Variants in GLT8D2 observed in about 807,000 individuals in gnomAD.
GLT8D2 encodes glycosyltransferase 8 domain containing 2.
GLT8D2 carries 45 observed loss-of-function variants against 44.5 expected under a neutral mutation model. That is an observed-to-expected ratio of 1.01 (90% CI 0.80 to 1.30). GLT8D2 has a LOEUF of 1.30. GLT8D2 is among the 50% of genes most tolerant of loss of function. The pLI, the probability that GLT8D2 is intolerant of heterozygous loss-of-function variation, is 0.00. For synonymous variants in GLT8D2, 156 were observed against 157.2 expected, an observed-to-expected ratio of 0.99 and a Z score of 0.06; for missense variants, 400 against 430.4, an observed-to-expected ratio of 0.93 and a Z score of 0.62.
At chr12:104,016,983 A>G (rs1472480426) in intron 3 of GLT8D2, among the ~76,000 whole-genome samples, 1 of 152,206 alleles carries the variant, frequency 6.6e-6, no homozygotes, top group Non-Finnish European at 1.5e-5. Flanking sequence ...TGTTTGTTCC[A>G]GTGATGTTGG....
chr12:104,016,691 G>GAAAA (rs146701886), intron 3 of GLT8D2, among the ~76,000 whole-genome samples: 1 of 122,730 alleles, frequency 8.1e-6, no homozygotes, highest in Non-Finnish European at 1.7e-5. Context: ...AGAAAAGAAA[G>GAAAA]AAAGAAAGAA....
At chr12:104,054,307 C>A (rs1279031349), upstream of GLT8D2, among the ~76,000 whole-genome samples, 1 of 152,020 alleles carries the variant, frequency 6.6e-6, no homozygotes, top group Non-Finnish European at 1.5e-5. Context: ...TAGCATAATG[C>A]CCTCAAGTTT....
Position 103,999,385 on chromosome 12 carries a change from G to T in GLT8D2, c.402+12C>A, listed in dbSNP as rs757389870. 17 of 1,474,042 alleles carry T rather than the reference G, an allele frequency of 1.2e-5. No individual in the cohort carries two copies. Among genetic ancestry groups the T allele is most frequent in the Non-Finnish European group, 1.6e-5 (17 of 1,052,280 alleles). 91.3% of individuals were successfully genotyped at this position (1,474,042 alleles called of 1,614,324 possible). A position where few individuals can be genotyped will look rare whatever the true frequency, so the allele number is the denominator to read the frequency against. On this transcript the variant is annotated intron_variant, in intron 6 of 10. Transcript: ENST00000360814. ...AAGGACTGTCCCCAGCACCTGTGTGGTCCCTACTTACAGGCTGGAGCAATT... is the reference window on the plus strand; with the variant it reads ...AAGGACTGTCCCCAGCACCTGTGTGTTCCCTACTTACAGGCTGGAGCAATT...
chr12:103,997,967 C>G (rs1873690961), intron 6 of GLT8D2, among the ~76,000 whole-genome samples: 1 of 148,786 alleles, frequency 6.7e-6, no homozygotes, highest in African/African-American at 2.5e-5. Flanking sequence ...GTGTGTCATT[C>G]CAACAGCAAG....
chr12:104,016,686 A>G (rs1389721591), intron 3 of GLT8D2, among the ~76,000 whole-genome samples: 3 of 57,252 alleles, frequency 5.2e-5, no homozygotes, highest in Non-Finnish European at 1.0e-4. Context: ...GAGAAAGAAA[A>G]GAAAGAAAGA....
At chr12:104,064,369 G>T (rs1021890214), upstream of GLT8D2, 14 of 475,876 alleles carry the variant, frequency 2.9e-5, no homozygotes, top group Non-Finnish European at 4.9e-5. The surrounding 1 kb of genome is among the most constrained non-coding windows in gnomAD (Gnocchi z 7.3). Flanking sequence ...CGCCTGGGGT[G>T]GGGGCGGGGC....
At chr12:103,990,028 A>G (rs2136252414) in intron 10 of GLT8D2, among the ~76,000 whole-genome samples, 1 of 149,984 alleles carries the variant, frequency 6.7e-6, no homozygotes, top group South Asian at 2.1e-4. Flanking sequence ...TATTATTAGC[A>G]TAAACACAGC....
Position 104,015,062 on chromosome 12 carries a change from C to T in GLT8D2, c.63G>A (p.Val21=). ...CCTTATGAACTTTCTTATACAGAAT[C>T]ACACAGAGGGTCACGATCAGAAGGA... is the stretch of plus-strand genomic sequence containing the variant. The part of the protein sequence containing the change: ...LLFLLIVTLC[V]ILYKKVHKGT... The change falls in exon 4 of 11, where the codon GTG becomes GTA. Residue 21 remains valine (V), a synonymous_variant. Coordinates refer to ENST00000360814, the MANE Select transcript of GLT8D2 (RefSeq NM_001384711.1). 6.2e-7 allele frequency: 1 copy of T among 1,613,912 alleles called. No homozygotes were observed. The highest frequency in any genetic ancestry group is 8.5e-7 in the Non-Finnish European group (1 of 1,179,852).
intron 4 of GLT8D2, among the ~76,000 whole-genome samples, chr12:104,010,332 G>A (rs979672408): frequency 2.0e-5 from 3 of 152,184 alleles, no homozygotes; most frequent in African/African-American, 7.2e-5. Context: ...TGCACATGAT[G>A]TTCCTTCCCA....
chr12:103,997,359 G>T, intron 7 of GLT8D2, 92 bp downstream of exon 7: 1 of 927,764 alleles, frequency 1.1e-6, no homozygotes, highest in Non-Finnish European at 1.8e-6. Context: ...AAAACTTGCT[G>T]CACAATTAGT....
At position 104,003,156 on chromosome 12, in the gene GLT8D2, C is replaced by A. The variant is rs369320125; in HGVS notation, c.263G>T (p.Arg88Leu). ...ANILFYVVGLRNTLTRIRKWI... is the reference protein window; with the variant it reads ...ANILFYVVGLLNTLTRIRKWI... ...TTACCGTATTCGAGTCAGAGTATTC[C>A]GGAGTCCCACTACATAGAACAAGAT... The change falls in exon 5 of 11, where the codon CGG becomes CTG. Residue 88 changes from arginine to leucine, a missense_variant. Arg to Leu is a moderately radical substitution (Grantham distance 102). Transcript: ENST00000360814. The A allele has an allele frequency of 3.2e-5, 52 of 1,613,866 alleles. No individual in the cohort carries two copies. The highest frequency in any genetic ancestry group is 4.2e-5 in the Non-Finnish European group (50 of 1,179,916).
chr12:104,045,563 C>T (rs1406538494), intron 1 of GLT8D2, among the ~76,000 whole-genome samples: 2 of 152,088 alleles, frequency 1.3e-5, no homozygotes, highest in African/African-American at 4.8e-5. Context: ...TTGTTCTGGG[C>T]ATGAGAAGAG....
intron 1 of GLT8D2, among the ~76,000 whole-genome samples, chr12:104,045,782 T>C (rs2136494296): frequency 6.6e-6 from 1 of 152,074 alleles, no homozygotes; most frequent in East Asian, 1.9e-4. Context: ...CTGTGTTTCA[T>C]TTTACATGCC....
rs376935430 is a variant in GLT8D2, at chr12:103,995,164, C to A, written c.601-663G>T. Among the ~76,000 whole-genome samples the A allele has an allele frequency of 2.6e-4, 40 of 152,308 alleles. No individual in the cohort carries two copies. In the South Asian group the frequency reaches 7.9e-3, roughly 30 times the overall value. On this transcript the variant is annotated intron_variant, in intron 8 of 10. Coordinates refer to ENST00000360814, the MANE Select transcript of GLT8D2 (RefSeq NM_001384711.1). ...CTCAATGGATTTCTGCAAGTTCCTC[C>A]TAACCAGTATCCTTGCTTCCACTAT...
At chr12:103,996,138 G>T (rs1485474011) in intron 8 of GLT8D2, among the ~76,000 whole-genome samples, 3 of 152,146 alleles carry the variant, frequency 2.0e-5, no homozygotes, top group Non-Finnish European at 1.5e-5. Flanking sequence ...TTGAAAAACA[G>T]CATTTAACTC....
chr12:104,024,853 T>C (rs1034808432), intron 1 of GLT8D2, among the ~76,000 whole-genome samples: 1 of 152,064 alleles, frequency 6.6e-6, no homozygotes, highest in African/African-American at 2.4e-5. Flanking sequence ...GGCAGATCAC[T>C]TGATGTCAGG....
Position 104,003,309 on chromosome 12 carries a change from G to A in GLT8D2, c.113-3C>T, listed in dbSNP as rs768464614. The A allele has an allele frequency of 1.2e-6, 2 of 1,613,608 alleles. No individual in the cohort carries two copies. Among genetic ancestry groups the A allele is most frequent in the Admixed American group, 1.7e-5 (1 of 59,966 alleles). On this transcript the variant is annotated splice_polypyrimidine_tract_variant and splice_region_variant and intron_variant, in intron 4 of 10. Coordinates refer to ENST00000360814, the MANE Select transcript of GLT8D2 (RefSeq NM_001384711.1). ...TTCAGGAGTCTCGGATTCATCATCTGGAAACATAAAAACTGGTGTCTTGGA... is the reference window on the plus strand; with the variant it reads ...TTCAGGAGTCTCGGATTCATCATCTAGAAACATAAAAACTGGTGTCTTGGA...
Position 104,064,178 on chromosome 12 carries a change from G to C in GLT8D2, c.-652C>G, listed in dbSNP as rs956466991. On this transcript the variant is annotated 5_prime_UTR_variant, in exon 1 of 11. Transcript: ENST00000548660. This position sits in a 1 kb window ranked among gnomAD's most constrained non-coding sequence, Gnocchi z 7.3. ...CCTCTACCCGAGCTTCTCTCACGTT[G>C]CTTGTGAGACTGCCTCGCCCACACA... 1.7e-4 allele frequency: 28 copies of C among 163,988 alleles called. No homozygotes were observed. The highest frequency in any genetic ancestry group is 6.7e-4 in the African/African-American group (28 of 41,922). The allele number at this position is 163,988 out of a possible 1,614,324, so 10.2% of individuals were successfully genotyped here. A position where few individuals can be genotyped will look rare whatever the true frequency, so the allele number is the denominator to read the frequency against.
intron 1 of GLT8D2, among the ~76,000 whole-genome samples, chr12:104,047,234 T>C (rs531165599): frequency 6.6e-6 from 1 of 152,096 alleles, no homozygotes; most frequent in Admixed American, 6.5e-5. Context: ...GGGGGCCTAC[T>C]TTCTGGCTCA....
Sources: gnomAD v4.1 joint callset for allele counts (sites outside exome capture counted in the v4.1 genomes callset) on GRCh38, gnomAD v4.1.1 for gene constraint, Gnocchi (gnomAD v3.1) non-coding constraint, MANE v1.5 for transcripts, NCBI Gene and HGNC (gene_info 2026-07-23, HGNC 2026-07-21) for gene names.